RND3: variants seen among roughly 807,000 people sequenced by gnomAD.
The protein encoded by RND3 is Rho family GTPase 3.
Under a neutral mutation model 26.5 loss-of-function variants are expected in RND3, and 8 were observed. That is an observed-to-expected ratio of 0.30 (90% CI 0.18 to 0.54). The LOEUF (loss-of-function observed/expected upper bound fraction) is 0.54. Among genes scored for constraint, RND3 ranks in the 20% least tolerant of loss-of-function variants. The pLI is 0.94. For missense variants in RND3, 207 were observed against 302.8 expected (o/e 0.68, Z 2.35); for synonymous variants, 113 against 113.0 (o/e 1.00, Z 0.00).
At chr2:150,474,118 C>G (rs182492435) in intron 4 of RND3, among the ~76,000 whole-genome samples, 110 of 152,262 alleles carry the variant, frequency 7.2e-4, no homozygotes, top group Non-Finnish European at 1.2e-3. Flanking sequence ...GGCTGAGTCT[C>G]AACTGCTGAA....
In RND3 at chr2:150,486,596, C is replaced by T. The variant is rs561046665; in HGVS notation, c.238+98G>A. On this transcript the variant is annotated intron_variant, in intron 3 of 5. Transcript: ENST00000263895. The surrounding 1 kb of genome is among the most constrained non-coding windows in gnomAD (Gnocchi z 4.5). The stretch of plus-strand genomic sequence containing the variant: ...GACCGTGGGAATCCCTTGGGAGGGG[C>T]GCAGACGGCTTGTAGCGCGCGGTTT... The T allele has an allele frequency of 5.8e-6, 5 of 867,730 alleles. No individual in the cohort carries two copies. The highest frequency in any genetic ancestry group is 8.0e-6 in the Non-Finnish European group (4 of 501,734). The allele number at this position is 867,730 out of a possible 1,614,324, so 53.8% of individuals were successfully genotyped here.
In RND3 at chr2:150,469,052, T is replaced by C. The variant is rs952081882; in HGVS notation, c.*935A>G. Reference sequence around the variant, plus strand: ...ACAGCTTTACTCACAAACTGTGCTTTCTGCTACTATTCTTTCCTTCACTCA... The same window carrying C: ...ACAGCTTTACTCACAAACTGTGCTTCCTGCTACTATTCTTTCCTTCACTCA... On this transcript the variant is annotated 3_prime_UTR_variant, in exon 6 of 6. Transcript: ENST00000263895. 6.6e-6 allele frequency: 1 copy of C among 152,656 alleles called. No individual in the cohort carries two copies. The highest frequency in any genetic ancestry group is 6.5e-5 in the Admixed American group (1 of 15,274). The allele number at this position is 152,656 out of a possible 1,614,324, so 9.5% of individuals were successfully genotyped here.
intron 3 of RND3, among the ~76,000 whole-genome samples, chr2:150,481,909 GC>G (rs1242013702): frequency 6.6e-6 from 1 of 152,084 alleles, no homozygotes; most frequent in Admixed American, 6.6e-5. Context: ...AAATATAACA[GC>G]TTAGATAGAC....
chr2:150,481,461 C>T (rs973592687), intron 3 of RND3, among the ~76,000 whole-genome samples: 5 of 152,130 alleles, frequency 3.3e-5, no homozygotes, highest in Admixed American at 6.5e-5. Context: ...ACACTTAATC[C>T]GGGCTTCTCA....
Position 150,487,269 on chromosome 2 carries a change from T to A in RND3, c.149A>T (p.Glu50Val). 2 of 1,584,398 alleles carry A rather than the reference T, an allele frequency of 1.3e-6. No homozygotes were observed. The highest frequency in any genetic ancestry group is 1.7e-6 in the Non-Finnish European group (2 of 1,165,062). ...LHVFAKDCFP[E>V]NYVPTVFENY... is the part of the protein sequence containing the mutation. ...GAAGCCGCGGCCGGCCACACTCACC[T>A]CGGGGAAGCAGTCCTTGGCGAAGAC... Residue 50 changes from glutamate (E) to valine (V), a missense_variant and splice_region_variant, in exon 2 of 6, where the codon GAG becomes GTG. Transcript: ENST00000263895.
Position 150,469,892 on chromosome 2 carries a change from G to T in RND3, c.*95C>A. The T allele has an allele frequency of 7.0e-7, 1 of 1,429,694 alleles. No individual in the cohort carries two copies. Among genetic ancestry groups the T allele is most frequent in the South Asian group, 1.3e-5 (1 of 76,774 alleles). The allele number at this position is 1,429,694 out of a possible 1,614,324, so 88.6% of individuals were successfully genotyped here. A position where few individuals can be genotyped will look rare whatever the true frequency, so the allele number is the denominator to read the frequency against. The stretch of plus-strand genomic sequence containing the variant: ...CGCCTCCTAAGCCTCTGGTATACAT[G>T]ACTTTGGCTGTGCACTTCATTTAGA... On this transcript the variant is annotated 3_prime_UTR_variant, in exon 6 of 6. Transcript: ENST00000263895.
intron 4 of RND3, among the ~76,000 whole-genome samples, chr2:150,473,454 A>C (rs1686117322): frequency 6.6e-6 from 1 of 152,164 alleles, no homozygotes; most frequent in Admixed American, 6.5e-5. Context: ...AGAACTAGAC[A>C]TGTTGTTATG....
chr2:150,472,257 G>T (rs1407320894), intron 4 of RND3, among the ~76,000 whole-genome samples: 1 of 152,150 alleles, frequency 6.6e-6, no homozygotes, highest in Non-Finnish European at 1.5e-5. Context: ...ACCACGAGCT[G>T]AGGCTCTATT....
intron 3 of RND3, among the ~76,000 whole-genome samples, chr2:150,483,903 T>C (rs1261329261): frequency 6.6e-6 from 1 of 152,216 alleles, no homozygotes; most frequent in African/African-American, 2.4e-5. Context: ...CTAACTAAGA[T>C]TTCATTACCG....
chr2:150,471,755 C>T lies in RND3; in HGVS notation c.355G>A (p.Gly119Ser). 2 of 1,583,980 alleles carry T rather than the reference C, an allele frequency of 1.3e-6. No homozygotes were observed. Among genetic ancestry groups the T allele is most frequent in the South Asian group, 1.1e-5 (1 of 88,622 alleles). ...TTTGGACAAAATTCCTGGATTTCAC[C>T]TTTCCACTATGAAAGAAAAAAAAAA... ...TLDSVLKKWK[G>S]EIQEFCPNTK... The change falls in exon 5 of 6, where the codon GGT becomes AGT. Residue 119 changes from glycine to serine, a missense_variant. By Grantham distance (56) the Gly-to-Ser change is moderately conservative (BLOSUM62 0). Coordinates refer to ENST00000263895, the MANE Select transcript of RND3 (RefSeq NM_005168.5).
At chr2:150,481,634 G>C (rs1226047169) in intron 3 of RND3, among the ~76,000 whole-genome samples, 1 of 151,972 alleles carries the variant, frequency 6.6e-6, no homozygotes, top group East Asian at 1.9e-4. Context: ...CTAGCAGATT[G>C]TATGCACACA....
intron 3 of RND3, among the ~76,000 whole-genome samples, chr2:150,484,057 C>T (rs528851507): frequency 5.9e-5 from 9 of 152,196 alleles, no homozygotes; most frequent in Non-Finnish European, 1.2e-4. Flanking sequence ...ATCTTTAATT[C>T]GATGAAAGGC....
intron 3 of RND3, among the ~76,000 whole-genome samples, chr2:150,483,173 A>G (rs1423160451): frequency 6.6e-6 from 1 of 152,190 alleles, no homozygotes; most frequent in Non-Finnish European, 1.5e-5. Flanking sequence ...TCACATCCAA[A>G]TTGGCAGAGT....
chr2:150,485,729 G>A (rs1686348138), intron 3 of RND3, among the ~76,000 whole-genome samples: 1 of 152,074 alleles, frequency 6.6e-6, no homozygotes, highest in African/African-American at 2.4e-5. Flanking sequence ...GCCACTCCCC[G>A]GCCTTTGACC....
At position 150,487,472 on chromosome 2, in the gene RND3, AAAAT is replaced by A. The variant is rs1410247921; in HGVS notation, c.-38-21_-38-18del. 39 of 344,796 alleles carry A rather than the reference AAAAT, an allele frequency of 1.1e-4. No homozygotes were observed. The highest frequency in any genetic ancestry group is 1.6e-4 in the East Asian group (2 of 12,446). 21.4% of individuals were successfully genotyped at this position (344,796 alleles called of 1,614,324 possible). Reference sequence around the variant, plus strand: ...GAATTTTCTCTTAAGAAGAAAAAAAAAAATATATATATATATATATATTTCTCTC... The same window carrying A: ...GAATTTTCTCTTAAGAAGAAAAAAAAATATATATATATATATATTTCTCTC... On this transcript the variant is annotated intron_variant, in intron 1 of 5. Transcript: ENST00000263895.
intron 4 of RND3, chr2:150,472,029 G>A (rs929178531): frequency 8.2e-6 from 3 of 366,696 alleles, no homozygotes; most frequent in African/African-American, 6.3e-5. Flanking sequence ...AAGAGACTTG[G>A]TAGATGTTGT....
At position 150,486,651 on chromosome 2, in the gene RND3, C is replaced by G. The variant is rs750846646; in HGVS notation, c.238+43G>C. ...AGACCCGCCGCGCATCCCCCAGCGA[C>G]TGGAAACCCGCCCCAAGCGCCACGC... On this transcript the variant is annotated intron_variant, in intron 3 of 5. Transcript: ENST00000263895. This position sits in a 1 kb window ranked among gnomAD's most constrained non-coding sequence, Gnocchi z 4.5. 2.1e-6 allele frequency: 3 copies of G among 1,409,224 alleles called. No homozygotes were observed. The highest frequency in any genetic ancestry group is 3.0e-6 in the Non-Finnish European group (3 of 993,278). The allele number at this position is 1,409,224 out of a possible 1,614,324, so 87.3% of individuals were successfully genotyped here.
Position 150,468,327 on chromosome 2 carries a change from T to A in RND3, c.*1660A>T, listed in dbSNP as rs1412186912. 6.6e-6 allele frequency: 1 copy of A among 152,654 alleles called. No homozygotes were observed. Among genetic ancestry groups the A allele is most frequent in the African/African-American group, 2.4e-5 (1 of 41,470 alleles). The allele number at this position is 152,654 out of a possible 1,614,324, so 9.5% of individuals were successfully genotyped here. Reference sequence around the variant, plus strand: ...TTAAAAAATGCAACAAAAGTTCTGCTTTATAACAGTTATAACTTATTTTCT... The same window carrying A: ...TTAAAAAATGCAACAAAAGTTCTGCATTATAACAGTTATAACTTATTTTCT... On this transcript the variant is annotated 3_prime_UTR_variant, in exon 6 of 6. Coordinates refer to ENST00000263895, the MANE Select transcript of RND3 (RefSeq NM_005168.5).
Position 150,486,226 on chromosome 2 carries a change from C to CGCGTCGCCTCTGG in RND3, c.238+455_238+467dup, listed in dbSNP as rs1686358394. Among the ~76,000 whole-genome samples, 2 of 152,070 alleles carry CGCGTCGCCTCTGG rather than the reference C, an allele frequency of 1.3e-5. No homozygotes were observed. Among genetic ancestry groups the CGCGTCGCCTCTGG allele is most frequent in the Admixed American group, 1.3e-4 (2 of 15,276 alleles). ...CTCAACAGCGGCAATTGCACGTAACCGCGTCGCCTCTGGGATTTTCTCCCG... is the reference window on the plus strand; with the variant it reads ...CTCAACAGCGGCAATTGCACGTAACCGCGTCGCCTCTGGGCGTCGCCTCTGGGATTTTCTCCCG... On this transcript the variant is annotated intron_variant, in intron 3 of 5. Coordinates refer to ENST00000263895, the MANE Select transcript of RND3 (RefSeq NM_005168.5). This position sits in a 1 kb window ranked among gnomAD's most constrained non-coding sequence, Gnocchi z 4.5.
Sources: allele counts gnomAD v4.1 joint callset (sites outside exome capture counted in the v4.1 genomes callset), GRCh38; gene constraint gnomAD v4.1.1; non-coding constraint Gnocchi (gnomAD v3.1); transcripts MANE v1.5; gene names NCBI Gene and HGNC (gene_info 2026-07-23, HGNC 2026-07-21).